Variants in CRYBG1 observed in about 807,000 individuals in gnomAD.
The protein encoded by CRYBG1 is beta/gamma crystallin domain-containing protein 1.
CRYBG1 carries 139 observed loss-of-function variants against 189.2 expected under a neutral mutation model. The observed-to-expected ratio is 0.73, with a 90% CI of 0.64 to 0.85. CRYBG1 has a LOEUF of 0.85. Ranked by LOEUF, CRYBG1 falls within the 40% of genes least tolerant of loss-of-function variation. The pLI is 0.00. For synonymous variants in CRYBG1, 1,023 were observed against 1,017.1 expected, an observed-to-expected ratio of 1.01 and a Z score of -0.11; for missense variants, 2,611 against 2,675.8, an observed-to-expected ratio of 0.98 and a Z score of 0.53.
At chr6:106,415,721 G>C (rs1367613117) in intron 1 of CRYBG1, among the ~76,000 whole-genome samples, 1 of 151,208 alleles carries the variant, frequency 6.6e-6, no homozygotes, top group Non-Finnish European at 1.5e-5. Flanking sequence ...GTGAGACCCT[G>C]TCTCAAAAAA....
At chr6:106,417,921 G>A (rs929008002) in intron 1 of CRYBG1, among the ~76,000 whole-genome samples, 1 of 152,266 alleles carries the variant, frequency 6.6e-6, no homozygotes, top group African/African-American at 2.4e-5. Flanking sequence ...CAGCTCAATG[G>A]ATGGCAGTGT....
intron 2 of CRYBG1, among the ~76,000 whole-genome samples, chr6:106,459,246 A>G (rs1345524833): frequency 1.3e-5 from 2 of 152,192 alleles, no homozygotes; most frequent in African/African-American, 4.8e-5. Flanking sequence ...CTCTTTATTT[A>G]CATATGTATA....
chr6:106,386,995 T>G (rs1445877830), intron 1 of CRYBG1, among the ~76,000 whole-genome samples: 1 of 152,220 alleles, frequency 6.6e-6, no homozygotes, highest in Non-Finnish European at 1.5e-5. Flanking sequence ...CTACTCTCTT[T>G]TCTTTTATTC....
intron 6 of CRYBG1, among the ~76,000 whole-genome samples, chr6:106,525,639 C>A (rs1464764575): frequency 6.6e-6 from 1 of 152,150 alleles, no homozygotes; most frequent in Non-Finnish European, 1.5e-5. Flanking sequence ...TTTTCCCATG[C>A]TTCCCCATAA....
intron 1 of CRYBG1, among the ~76,000 whole-genome samples, chr6:106,432,411 C>T (rs1221853565): frequency 4.6e-5 from 7 of 152,154 alleles, no homozygotes; most frequent in African/African-American, 1.4e-4. Context: ...TCATTTCCTC[C>T]CTTCTATCCC....
chr6:106,414,116 C>CTGA (rs1235976449), intron 1 of CRYBG1, among the ~76,000 whole-genome samples: 1 of 152,230 alleles, frequency 6.6e-6, no homozygotes, highest in Non-Finnish European at 1.5e-5. Flanking sequence ...CTGGTTCCAC[C>CTGA]TGACAAGAAT....
intron 1 of CRYBG1, among the ~76,000 whole-genome samples, chr6:106,384,608 A>G (rs1254335329): frequency 6.6e-6 from 1 of 152,016 alleles, no homozygotes; most frequent in Non-Finnish European, 1.5e-5. Flanking sequence ...CTTCACAAAG[A>G]TAGGATGTTG....
intron 1 of CRYBG1, among the ~76,000 whole-genome samples, chr6:106,404,276 A>T (rs990247086): frequency 6.6e-6 from 1 of 152,216 alleles, no homozygotes; most frequent in Non-Finnish European, 1.5e-5. Context: ...CAATCTTCCC[A>T]TTGTACTACA....
Position 106,519,872 on chromosome 6 carries a change from A to C in CRYBG1, c.2664A>C (p.Thr888=), listed in dbSNP as rs41305294. The C allele has an allele frequency of 1.2e-6, 2 of 1,614,024 alleles. No individual in the cohort carries two copies. Among genetic ancestry groups the C allele is most frequent in the Non-Finnish European group, 1.7e-6 (2 of 1,180,016 alleles). Residue 888 remains threonine, a synonymous_variant, in exon 4 of 22, where the codon ACA becomes ACC. Coordinates refer to ENST00000633556, the MANE Select transcript of CRYBG1 (RefSeq NM_001371242.2). The part of the protein sequence containing the change: ...APAPGDVPKD[T]CVQSPISSFP... ...CTCCTGGGGATGTTCCCAAAGACACATGTGTTCAATCACCCATAAGCAGTT... is the reference window on the plus strand; with the variant it reads ...CTCCTGGGGATGTTCCCAAAGACACCTGTGTTCAATCACCCATAAGCAGTT...
intron 8 of CRYBG1, among the ~76,000 whole-genome samples, chr6:106,535,381 G>A (rs1773979858): frequency 1.3e-5 from 2 of 152,170 alleles, no homozygotes; most frequent in African/African-American, 2.4e-5. Context: ...GAACACCAAT[G>A]TACCATTCAC....
chr6:106,500,588 G>T (rs993546069), intron 2 of CRYBG1, among the ~76,000 whole-genome samples: 2 of 152,132 alleles, frequency 1.3e-5, no homozygotes, highest in Non-Finnish European at 1.5e-5. Flanking sequence ...TGTATGATTT[G>T]CACATATTTT....
Position 106,558,661 on chromosome 6 carries a change from C to G in CRYBG1, c.5855+36C>G. On this transcript the variant is annotated intron_variant, in intron 18 of 21. Transcript: ENST00000633556. ...TACTTGTTGACTCAATAAAATAGAT[C>G]ATTTTAAAAATCAAGTTTGGGCTGG... The G allele has an allele frequency of 2.6e-6, 4 of 1,545,384 alleles. No homozygotes were observed. The Admixed American group carries it at 8.0e-5, about 31-fold the overall frequency.
chr6:106,551,292 G>A (rs1055102212), intron 13 of CRYBG1, among the ~76,000 whole-genome samples: 1 of 152,066 alleles, frequency 6.6e-6, no homozygotes, highest in Non-Finnish European at 1.5e-5. Flanking sequence ...GTGTTAATTC[G>A]CTTAGGATAG....
In CRYBG1 at chr6:106,568,700, A is replaced by G; in HGVS notation, c.*134A>G. 1.6e-6 allele frequency: 1 copy of G among 617,210 alleles called. No individual in the cohort carries two copies. The highest frequency in any genetic ancestry group is 2.2e-5 in the South Asian group (1 of 44,876). 38.2% of individuals were successfully genotyped at this position (617,210 alleles called of 1,614,324 possible). A position where few individuals can be genotyped will look rare whatever the true frequency, so the allele number is the denominator to read the frequency against. On this transcript the variant is annotated 3_prime_UTR_variant, in exon 22 of 22. Transcript: ENST00000633556. ...TTGATTCTAAATTCAACCTTAAATCATGCTGCCATGACTCAGAGAACTTAC... is the reference window on the plus strand; with the variant it reads ...TTGATTCTAAATTCAACCTTAAATCGTGCTGCCATGACTCAGAGAACTTAC...
chr6:106,499,573 G>A (rs1048455843), intron 2 of CRYBG1, among the ~76,000 whole-genome samples: 2 of 151,694 alleles, frequency 1.3e-5, no homozygotes, highest in Non-Finnish European at 2.9e-5. Context: ...TGTTGTATAC[G>A]TTGTAATTGT....
chr6:106,570,466 G>C lies in CRYBG1; in HGVS notation c.*1900G>C, dbSNP rs534376079. ...GGTTAACTATGTTGATGAAATCTGAGAGTCCATTCAGTAGCCCTCATCTCA... is the reference window on the plus strand; with the variant it reads ...GGTTAACTATGTTGATGAAATCTGACAGTCCATTCAGTAGCCCTCATCTCA... On this transcript the variant is annotated 3_prime_UTR_variant, in exon 22 of 22. Transcript: ENST00000633556. The C allele has an allele frequency of 3.5e-4, 54 of 152,340 alleles. No individual in the cohort carries two copies. Among genetic ancestry groups the C allele is most frequent in the African/African-American group, 1.2e-3 (51 of 41,576 alleles). The allele number at this position is 152,340 out of a possible 1,614,324, so 9.4% of individuals were successfully genotyped here.
At position 106,511,583 on chromosome 6, in the gene CRYBG1, G is replaced by T; in HGVS notation, c.466G>T (p.Ala156Ser). The change falls in exon 3 of 22, where the codon GCC becomes TCC. Residue 156 changes from alanine to serine, a missense_variant. By Grantham distance (99) the Ala-to-Ser change is moderately conservative (BLOSUM62 1). Coordinates refer to ENST00000633556, the MANE Select transcript of CRYBG1 (RefSeq NM_001371242.2). Reference sequence around the variant, plus strand: ...ACCACTCTCTCCCAAAGATGTGGTAGCCTCTCCTAAGCTCCCAGAGAGAGA... The same window carrying T: ...ACCACTCTCTCCCAAAGATGTGGTATCCTCTCCTAAGCTCCCAGAGAGAGA... ...AKPLSPKDVV[A>S]SPKLPERESE... 2 of 1,535,856 alleles carry T rather than the reference G, an allele frequency of 1.3e-6. No homozygotes were observed. Among genetic ancestry groups the T allele is most frequent in the Non-Finnish European group, 1.7e-6 (2 of 1,146,702 alleles).
chr6:106,543,192 G>C (rs1219066745), intron 10 of CRYBG1, among the ~76,000 whole-genome samples: 1 of 151,798 alleles, frequency 6.6e-6, no homozygotes, highest in Non-Finnish European at 1.5e-5. Flanking sequence ...ACTATGCCCA[G>C]CTAATTTTTG....
intron 1 of CRYBG1, among the ~76,000 whole-genome samples, chr6:106,378,668 A>G (rs758939568): frequency 5.3e-5 from 8 of 152,236 alleles, no homozygotes; most frequent in Non-Finnish European, 1.2e-4. Context: ...GTTTAATGAG[A>G]GTTGTAACTG....
Sources: allele counts gnomAD v4.1 joint callset (sites outside exome capture counted in the v4.1 genomes callset), GRCh38; gene constraint gnomAD v4.1.1; transcripts MANE v1.5; gene names NCBI Gene and HGNC (gene_info 2026-07-23, HGNC 2026-07-21).